The following ITPRID1 variants were observed in gnomAD, a reference collection of about 807,000 sequenced individuals.
ITPRID1 encodes the protein ITPR interacting domain containing 1.
A neutral mutation model predicts 95.4 loss-of-function variants in ITPRID1; 96 were observed. The observed-to-expected ratio is 1.01, with a 90% CI of 0.85 to 1.19. The LOEUF (loss-of-function observed/expected upper bound fraction) is 1.19. Among genes scored for constraint, ITPRID1 ranks in the 50% most tolerant of loss-of-function variants. ITPRID1 has a pLI of 0.00. For synonymous variants in ITPRID1, 510 were observed against 453.6 expected, an observed-to-expected ratio of 1.12 and a Z score of -1.58; for missense variants, 1,339 against 1,252.9, an observed-to-expected ratio of 1.07 and a Z score of -1.04.
intron 10 of ITPRID1, among the ~76,000 whole-genome samples, chr7:31,630,159 T>C (rs1428183712): frequency 7.1e-6 from 1 of 141,634 alleles, no homozygotes; most frequent in African/African-American, 2.6e-5. Context: ...TTACTACTAA[T>C]TAAATTTAAA....
chr7:31,583,164 C>T lies in ITPRID1; in HGVS notation c.1201C>T (p.Pro401Ser). Reference protein sequence around the residue: ...VQSFEEETGNPLDMTSGTVGA... With the variant: ...VQSFEEETGNSLDMTSGTVGA... ...AAGCTTTGAAGAAGAGACTGGTAAT[C>T]CTCTTGACATGACTTCAGGAACTGT... The change falls in exon 10 of 15, where the codon CCT (proline) becomes TCT (serine). Residue 401 changes from proline (P) to serine (S), a missense_variant. Physicochemically the swap from Pro to Ser is moderately conservative, Grantham distance 74. Transcript: ENST00000615280. 6.2e-7 allele frequency: 1 copy of T among 1,611,278 alleles called. No individual in the cohort carries two copies. Among genetic ancestry groups the T allele is most frequent in the Non-Finnish European group, 8.5e-7 (1 of 1,177,846 alleles).
At chr7:31,648,238 T>A (rs970982821) in intron 12 of ITPRID1, among the ~76,000 whole-genome samples, 1 of 152,184 alleles carries the variant, frequency 6.6e-6, no homozygotes, top group Non-Finnish European at 1.5e-5. Context: ...GCTCTTACCA[T>A]TGAAGTTAAA....
At chr7:31,622,383 A>G (rs1787999125) in intron 10 of ITPRID1, among the ~76,000 whole-genome samples, 1 of 152,178 alleles carries the variant, frequency 6.6e-6, no homozygotes, top group South Asian at 2.1e-4. Context: ...CAAATGTAAA[A>G]GAACAGAAAT....
rs545331836 is a variant in ITPRID1 at position 31,627,178 on chromosome 7, G to A, written c.1229-14998G>A. Among the ~76,000 whole-genome samples, 9 of 152,242 alleles carry A rather than the reference G, an allele frequency of 5.9e-5. No individual in the cohort carries two copies. The East Asian group carries it at 1.2e-3, about 20-fold the overall frequency. On this transcript the variant is annotated intron_variant, in intron 10 of 14. Coordinates refer to ENST00000615280, the MANE Select transcript of ITPRID1 (RefSeq NM_001257967.3). ...TGGGCTGTGTCTTTCAGTATTCCCC[G>A]TTGTCCATGCAGTGCCTGGCACAGA... is the stretch of plus-strand genomic sequence containing the variant.
At chr7:31,639,218 A>G (rs1052081586) in intron 10 of ITPRID1, among the ~76,000 whole-genome samples, 5 of 152,196 alleles carry the variant, frequency 3.3e-5, no homozygotes, top group African/African-American at 9.7e-5. Context: ...TCAGTTACCT[A>G]TACCTGAGGC....
chr7:31,528,500 A>C (rs1424825015), intron 1 of ITPRID1, among the ~76,000 whole-genome samples: 1 of 152,104 alleles, frequency 6.6e-6, no homozygotes, highest in African/African-American at 2.4e-5. Flanking sequence ...GCCACAGAGG[A>C]AAAGGAGGCT....
chr7:31,540,072 G>A (rs1041132966), intron 1 of ITPRID1, among the ~76,000 whole-genome samples: 5 of 152,176 alleles, frequency 3.3e-5, no homozygotes, highest in African/African-American at 1.2e-4. Flanking sequence ...TGTCAATCCA[G>A]ACCCCGTAGT....
chr7:31,653,356 T>A lies in ITPRID1; in HGVS notation c.*527T>A, dbSNP rs2159513. On this transcript the variant is annotated 3_prime_UTR_variant, in exon 15 of 15. Coordinates refer to ENST00000615280, the MANE Select transcript of ITPRID1 (RefSeq NM_001257967.3). ...CTCATGAGAGAAGGGGTAGAGGAAC[T>A]GTCACTTATGCATTCACCTAGCTCA... The A allele has an allele frequency of 0.78, 121,718 of 156,602 alleles. 47,410 individuals carry two copies. Among genetic ancestry groups the A allele is most frequent in the East Asian group, 0.82 (4,383 of 5,314 alleles). The allele number at this position is 156,602 out of a possible 1,614,324, so 9.7% of individuals were successfully genotyped here.
intron 5 of ITPRID1, among the ~76,000 whole-genome samples, chr7:31,557,963 A>G (rs1001015703): frequency 6.6e-6 from 1 of 152,208 alleles, no homozygotes; most frequent in East Asian, 1.9e-4. Context: ...CACCATAGTG[A>G]CAGCATTGAA....
At chr7:31,547,665 A>G (rs1784144992) in intron 1 of ITPRID1, among the ~76,000 whole-genome samples, 2 of 152,078 alleles carry the variant, frequency 1.3e-5, no homozygotes, top group Admixed American at 6.6e-5. Context: ...TTAGTGCTTT[A>G]ATGTGGGAAT....
rs146364867 is a variant in ITPRID1, at chr7:31,618,773, A to C, written c.1229-23403A>C. On this transcript the variant is annotated intron_variant, in intron 10 of 14. Transcript: ENST00000615280. ...GTTCACCCAGCTGGCAAGTGTTGGCATCAGGATGAAACCCAGGTTCCTCTG... is the reference window on the plus strand; with the variant it reads ...GTTCACCCAGCTGGCAAGTGTTGGCCTCAGGATGAAACCCAGGTTCCTCTG... 4.7e-3 allele frequency among the ~76,000 whole-genome samples: 713 copies of C among 152,372 alleles called. 1 individual carries two copies. The highest frequency in any genetic ancestry group is 5.4e-3 in the Non-Finnish European group (367 of 68,040).
chr7:31,531,949 A>C (rs1299032346), intron 1 of ITPRID1, among the ~76,000 whole-genome samples: 1 of 152,194 alleles, frequency 6.6e-6, no homozygotes, highest in Non-Finnish European at 1.5e-5. Context: ...ACTGAAGCTG[A>C]AGGTAATAGC....
At chr7:31,571,849 T>C (rs548203273) in intron 6 of ITPRID1, among the ~76,000 whole-genome samples, 1 of 152,288 alleles carries the variant, frequency 6.6e-6, no homozygotes, top group Admixed American at 6.5e-5. Context: ...AGTGAGACAT[T>C]CTGTCACCTT....
At chr7:31,531,376 T>A (rs1283451335) in intron 1 of ITPRID1, among the ~76,000 whole-genome samples, 1 of 152,188 alleles carries the variant, frequency 6.6e-6, no homozygotes, top group Non-Finnish European at 1.5e-5. Context: ...TAAGAATAAT[T>A]CATGAACATG....
intron 1 of ITPRID1, among the ~76,000 whole-genome samples, chr7:31,520,564 TGAGA>T (rs61620751): frequency 0.014 from 772 of 54,834 alleles, 5 homozygotes; most frequent in African/African-American, 0.048. Context: ...TGTGTGTGTG[TGAGA>T]GAGAGAGAGA....
intron 10 of ITPRID1, among the ~76,000 whole-genome samples, chr7:31,626,129 A>C (rs1404631214): frequency 6.6e-6 from 1 of 152,246 alleles, no homozygotes; most frequent in African/African-American, 2.4e-5. Context: ...TACCAAGAAA[A>C]AAGGAAAACG....
intron 10 of ITPRID1, among the ~76,000 whole-genome samples, chr7:31,585,038 T>C (rs911321791): frequency 6.6e-6 from 1 of 152,212 alleles, no homozygotes; most frequent in East Asian, 1.9e-4. Flanking sequence ...ATGTGGACTT[T>C]CTGGTGGACA....
At chr7:31,541,613 T>C (rs1783935479) in intron 1 of ITPRID1, among the ~76,000 whole-genome samples, 1 of 152,180 alleles carries the variant, frequency 6.6e-6, no homozygotes, top group African/African-American at 2.4e-5. Context: ...TTGGAGCACA[T>C]ACCAATAACA....
intron 1 of ITPRID1, among the ~76,000 whole-genome samples, chr7:31,526,593 A>T (rs991960767): frequency 6.6e-6 from 1 of 152,156 alleles, no homozygotes; most frequent in Non-Finnish European, 1.5e-5. Context: ...TCATCTCATT[A>T]TCTTAATGGT....
Sources: allele counts gnomAD v4.1 joint callset (sites outside exome capture counted in the v4.1 genomes callset), GRCh38; gene constraint gnomAD v4.1.1; transcripts MANE v1.5; gene names NCBI Gene and HGNC (gene_info 2026-07-23, HGNC 2026-07-21).